Variants in FTCDNL1 observed in about 807,000 individuals in gnomAD.
FTCDNL1 encodes formiminotransferase N-terminal subdomain-containing protein.
A neutral mutation model predicts 5.9 loss-of-function variants in FTCDNL1; 11 were observed. The observed-to-expected ratio is 1.87, with a 90% confidence interval of 1.18 to 3.10. The LOEUF (loss-of-function observed/expected upper bound fraction) is 3.10, where lower values mean the gene tolerates loss of function less well. Among genes scored for constraint, FTCDNL1 ranks in the 30% most tolerant of loss-of-function variants. The probability of loss-of-function intolerance (pLI) is 0.00; values close to 1 mark genes in which losing one functional copy is unlikely to be tolerated. For missense variants in FTCDNL1, 115 were observed against 65.5 expected (o/e 1.76, Z -2.61); for synonymous variants, 58 against 24.8 (o/e 2.34, Z -3.99).
intron 3 of FTCDNL1, among the ~76,000 whole-genome samples, chr2:199,843,668 A>G (rs1469062791): frequency 6.6e-6 from 1 of 152,246 alleles, no homozygotes; most frequent in African/African-American, 2.4e-5. Context: ...AAAATGAGGC[A>G]ACATCATAGA....
the FTCDNL1 span, among the ~76,000 whole-genome samples, chr2:199,671,458 T>A: frequency 6.6e-6 from 1 of 151,872 alleles, no homozygotes. Context: ...TACAAACAAG[T>A]TAAAGAAAGT....
the FTCDNL1 span, among the ~76,000 whole-genome samples, chr2:199,701,445 C>T: frequency 6.6e-6 from 1 of 151,328 alleles, no homozygotes. Context: ...TACCATTAGA[C>T]CCAGAATCCC....
At chr2:199,845,648 T>G (rs1049346389) in intron 3 of FTCDNL1, among the ~76,000 whole-genome samples, 2 of 152,070 alleles carry the variant, frequency 1.3e-5, no homozygotes, top group Non-Finnish European at 2.9e-5. Flanking sequence ...AATGTCCCTA[T>G]AAGACATGTC....
chr2:199,849,891 G>A (rs1229082049), intron 1 of FTCDNL1, among the ~76,000 whole-genome samples: 1 of 152,090 alleles, frequency 6.6e-6, no homozygotes, highest in Non-Finnish European at 1.5e-5. Context: ...ATTTAATGAG[G>A]GTCTTTTTCT....
chr2:199,706,510 A>C, the FTCDNL1 span, among the ~76,000 whole-genome samples: 19 of 152,312 alleles, frequency 1.2e-4, no homozygotes, highest in African/African-American at 4.6e-4. Context: ...TTTTAACTAC[A>C]GATGGAGGCT....
intron 3 of FTCDNL1, among the ~76,000 whole-genome samples, chr2:199,761,078 C>T (rs1397337211): frequency 6.6e-6 from 1 of 152,246 alleles, no homozygotes; most frequent in Non-Finnish European, 1.5e-5. Context: ...CCCTTCACTA[C>T]TCTTTCAGTT....
At chr2:199,714,234 G>T in the FTCDNL1 span, among the ~76,000 whole-genome samples, 1 of 151,654 alleles carries the variant, frequency 6.6e-6, no homozygotes, top group Non-Finnish European at 1.5e-5. Context: ...AATGCAGAAA[G>T]AATCCAAAAA....
the FTCDNL1 span, among the ~76,000 whole-genome samples, chr2:199,697,029 T>C: frequency 2.6e-5 from 4 of 152,120 alleles, no homozygotes; most frequent in Non-Finnish European, 5.9e-5. Context: ...TCCCAGCACT[T>C]TGGGAGGCCA....
chr2:199,735,115 GA>G, the FTCDNL1 span, among the ~76,000 whole-genome samples: 15,148 of 81,626 alleles, frequency 0.19, 847 homozygotes, highest in Middle Eastern at 0.31. Flanking sequence ...ACTACCTTTA[GA>G]AAAAAAAAAA....
At chr2:199,702,175 C>T in the FTCDNL1 span, among the ~76,000 whole-genome samples, 1 of 152,160 alleles carries the variant, frequency 6.6e-6, no homozygotes, top group African/African-American at 2.4e-5. Context: ...TTGAACACTA[C>T]TGAGTACTAT....
intron 3 of FTCDNL1, among the ~76,000 whole-genome samples, chr2:199,820,811 T>C (rs1310368308): frequency 6.6e-6 from 1 of 152,208 alleles, no homozygotes; most frequent in Non-Finnish European, 1.5e-5. Context: ...GAGCTAATTA[T>C]AGTCCCCTGT....
Position 199,846,146 on chromosome 2 carries a change from A to T in FTCDNL1, c.140T>A (p.Val47Glu), listed in dbSNP as rs2076726981. ...GTCTTGATCGGAAAATATATTGAGC[A>T]CTGAAACTTGAGGATGTTTCTTTCC... is the stretch of plus-strand genomic sequence containing the variant. ...KNGKKHPQVS[V>E]LNIFSDQDYK... Residue 47 changes from valine (V) to glutamate (E), a missense_variant, in exon 3 of 5, where the codon GTG (valine) becomes GAG (glutamate). Coordinates refer to ENST00000420128, the MANE Select transcript of FTCDNL1 (RefSeq NM_001363886.2). The T allele has an allele frequency of 1.4e-6, 1 of 698,870 alleles. No homozygotes were observed. Among genetic ancestry groups the T allele is most frequent in the East Asian group, 2.7e-5 (1 of 37,150 alleles). 43.3% of individuals were successfully genotyped at this position (698,870 alleles called of 1,614,324 possible).
At chr2:199,701,043 G>C in the FTCDNL1 span, among the ~76,000 whole-genome samples, 2 of 152,036 alleles carry the variant, frequency 1.3e-5, no homozygotes, top group East Asian at 3.9e-4. Flanking sequence ...ACTGTCCTTG[G>C]AGTTATTTCT....
the FTCDNL1 span, among the ~76,000 whole-genome samples, chr2:199,751,882 ATT>A: frequency 4.0e-5 from 6 of 151,496 alleles, no homozygotes; most frequent in South Asian, 8.4e-4. Flanking sequence ...CTGAATCAGG[ATT>A]TTTTTTTTAT....
At chr2:199,705,110 T>C in the FTCDNL1 span, among the ~76,000 whole-genome samples, 2 of 152,042 alleles carry the variant, frequency 1.3e-5, no homozygotes, top group South Asian at 2.1e-4. Context: ...TGGACATGGA[T>C]TGCTCTAGGA....
At chr2:199,846,875 A>G (rs540408213) in intron 2 of FTCDNL1, among the ~76,000 whole-genome samples, 1 of 152,300 alleles carries the variant, frequency 6.6e-6, no homozygotes, top group South Asian at 2.1e-4. Flanking sequence ...AGTCCCCCTT[A>G]AGCCTACAAA....
At chr2:199,844,044 CAGAT>C (rs1310856795) in intron 3 of FTCDNL1, among the ~76,000 whole-genome samples, 1 of 152,020 alleles carries the variant, frequency 6.6e-6, no homozygotes, top group Non-Finnish European at 1.5e-5. Flanking sequence ...AAATAGGACA[CAGAT>C]AGATAGGCAA....
chr2:199,849,345 T>C (rs2076816041), intron 1 of FTCDNL1, among the ~76,000 whole-genome samples: 1 of 152,236 alleles, frequency 6.6e-6, no homozygotes, highest in South Asian at 2.1e-4. Flanking sequence ...TTTTTTGTTG[T>C]TAAACTAGAC....
chr2:199,680,208 A>C, the FTCDNL1 span, among the ~76,000 whole-genome samples: 1 of 152,216 alleles, frequency 6.6e-6, no homozygotes, highest in Non-Finnish European at 1.5e-5. Flanking sequence ...AATGAAAATG[A>C]CCAGGAGATT....
Sources: allele counts gnomAD v4.1 joint callset (sites outside exome capture counted in the v4.1 genomes callset), GRCh38; gene constraint gnomAD v4.1.1; transcripts MANE v1.5; gene names NCBI Gene and HGNC (gene_info 2026-07-23, HGNC 2026-07-21).